Variants in EPHA2 observed in about 807,000 individuals in gnomAD.
EPHA2 encodes EPH receptor A2.
In EPHA2, 54 loss-of-function variants were observed where a neutral mutation model predicts 104.9. The ratio of observed to expected loss-of-function variants is 0.51; its 90% CI spans 0.41 to 0.65. The LOEUF (loss-of-function observed/expected upper bound fraction) is 0.65. Among genes scored for constraint, EPHA2 ranks in the 30% least tolerant of loss-of-function variants. The pLI is 0.00. For missense variants in EPHA2, 1,117 were observed against 1,369.5 expected (o/e 0.82, Z 2.91); for synonymous variants, 560 against 559.1 (o/e 1.00, Z -0.02).
chr1:16,133,129 C>T lies in EPHA2; in HGVS notation c.2053+51G>A, dbSNP rs144710915. On this transcript the variant is annotated intron_variant, in intron 11 of 16. Transcript: ENST00000358432. Reference sequence around the variant, plus strand: ...AGGTGGGCACAGTCACAGACAGAGCCCCTGCTAAGTGGCCCCTCTCCACCC... The same window carrying T: ...AGGTGGGCACAGTCACAGACAGAGCTCCTGCTAAGTGGCCCCTCTCCACCC... 661 of 1,608,368 alleles carry T rather than the reference C, an allele frequency of 4.1e-4. 4 individuals are homozygous for T. In the African/African-American group the frequency reaches 7.7e-3, roughly 19 times the overall value.
Position 16,126,890 on chromosome 1 carries a change from C to A in EPHA2, c.2826-1570G>T, listed in dbSNP as rs75170989. ...CCCCCACAGCACCTGCTCCCGCCCC[C>A]ACCCCTGCCCAGGGTCCAGGATAGG... On this transcript the variant is annotated intron_variant, in intron 16 of 16. Coordinates refer to ENST00000358432, the MANE Select transcript of EPHA2 (RefSeq NM_004431.5). 5.6e-4 allele frequency among the ~76,000 whole-genome samples: 86 copies of A among 152,328 alleles called. 1 individual carries two copies. The highest frequency in any genetic ancestry group is 2.3e-3 in the Admixed American group (35 of 15,302).
chr1:16,132,909 G>A (rs1570400413), intron 11 of EPHA2: 1 of 526,230 alleles, frequency 1.9e-6, no homozygotes, highest in Admixed American at 3.2e-5. Context: ...GTATCGGGGA[G>A]AGGTGGGCAC....
intron 1 of EPHA2, among the ~76,000 whole-genome samples, chr1:16,151,454 C>A (rs1236972317): frequency 2.6e-5 from 4 of 152,220 alleles, no homozygotes; most frequent in African/African-American, 9.6e-5. Context: ...AGGAAACACA[C>A]CAACCCCACT....
Position 16,135,498 on chromosome 1 carries a change from G to T in EPHA2, c.1428+157C>A. The T allele has an allele frequency of 2.6e-6, 2 of 782,520 alleles. No homozygotes were observed. Among genetic ancestry groups the T allele is most frequent in the Non-Finnish European group, 2.2e-6 (1 of 453,262 alleles). 48.5% of individuals were successfully genotyped at this position (782,520 alleles called of 1,614,324 possible). A position where few individuals can be genotyped will look rare whatever the true frequency, so the allele number is the denominator to read the frequency against. On this transcript the variant is annotated intron_variant, in intron 6 of 16. Coordinates refer to ENST00000358432, the MANE Select transcript of EPHA2 (RefSeq NM_004431.5). This position sits in a 1 kb window ranked among gnomAD's most constrained non-coding sequence, Gnocchi z 4.3. Reference sequence around the variant, plus strand: ...GTACAAATCTCTGCTGTGCTGCCTTGGGAGATGTAACCCCCTGGCAGACCC... The same window carrying T: ...GTACAAATCTCTGCTGTGCTGCCTTTGGAGATGTAACCCCCTGGCAGACCC...
At chr1:16,151,079 C>T (rs2025026287) in intron 1 of EPHA2, 116 bp from the exon 2 acceptor site, 2 of 943,326 alleles carry the variant, frequency 2.1e-6, no homozygotes, top group East Asian at 2.5e-5. Flanking sequence ...CGAGAGGGAC[C>T]CCACCACACA....
chr1:16,136,861 C>T (rs113392026), intron 5 of EPHA2, among the ~76,000 whole-genome samples: 168 of 149,614 alleles, frequency 1.1e-3, no homozygotes, highest in African/African-American at 3.7e-3. Context: ...TGCAATGGTG[C>T]GATCTCGGCT....
chr1:16,139,426 T>C (rs748901378), intron 3 of EPHA2, among the ~76,000 whole-genome samples: 1 of 152,262 alleles, frequency 6.6e-6, no homozygotes, highest in Middle Eastern at 3.4e-3. Flanking sequence ...CAGCACCGTG[T>C]TCACCACACA....
In EPHA2 at chr1:16,134,888, G is replaced by A; in HGVS notation, c.1582+148C>T. ...TCCATGCTTCCCCCTCCCCAGGCTT[G>A]GGGGCAGTCCCCGAAGGGCTGTCCC... is the stretch of plus-strand genomic sequence containing the variant. On this transcript the variant is annotated intron_variant, in intron 7 of 16. Transcript: ENST00000358432. This position sits in a 1 kb window ranked among gnomAD's most constrained non-coding sequence, Gnocchi z 4.5. The A allele has an allele frequency of 1.6e-6, 2 of 1,272,952 alleles. No homozygotes were observed. Among genetic ancestry groups the A allele is most frequent in the Non-Finnish European group, 2.2e-6 (2 of 911,134 alleles). The allele number at this position is 1,272,952 out of a possible 1,614,324, so 78.9% of individuals were successfully genotyped here.
In EPHA2 at chr1:16,148,894, G is replaced by A. The variant is rs768995359; in HGVS notation, c.307C>T (p.Arg103Cys). Residue 103 changes from arginine (R) to cysteine (C), a missense_variant, in exon 3 of 17, where the codon CGT (arginine) becomes TGT (cysteine). By Grantham distance (180) the Arg-to-Cys change is radical. Around this residue, in one of 3 missense-constraint regions of EPHA2, gnomAD observed 664 missense variants for 784.8 expected, o/e 0.85. Transcript: ENST00000358432. The surrounding 1 kb of genome is among the most constrained non-coding windows in gnomAD (Gnocchi z 4.9). ...CCACCAGGGAAGCTGTTGCAGTCACGTACAGTAAACTTGAGCTCAATGAAG... is the reference window on the plus strand; with the variant it reads ...CCACCAGGGAAGCTGTTGCAGTCACATACAGTAAACTTGAGCTCAATGAAG... The part of the protein sequence containing the change: ...RIFIELKFTV[R>C]DCNSFPGGAS... The A allele has an allele frequency of 1.8e-5, 29 of 1,614,136 alleles. No homozygotes were observed. Among genetic ancestry groups the A allele is most frequent in the Non-Finnish European group, 1.9e-5 (23 of 1,180,048 alleles).
Position 16,132,104 on chromosome 1 carries a change from C to T in EPHA2, c.2285G>A (p.Arg762His), listed in dbSNP as rs868421931. The T allele has an allele frequency of 3.7e-6, 6 of 1,613,938 alleles. No individual in the cohort carries two copies. Among genetic ancestry groups the T allele is most frequent in the Non-Finnish European group, 5.1e-6 (6 of 1,180,010 alleles). The change falls in exon 13 of 17, where the codon CGC (arginine) becomes CAC (histidine). Residue 762 changes from arginine (R) to histidine (H), a missense_variant. Arg to His is a conservative substitution (Grantham distance 29). Around this residue, in one of 3 missense-constraint regions of EPHA2, gnomAD observed 340 missense variants for 480.5 expected, o/e 0.71. Transcript: ENST00000358432. Reference sequence around the variant, plus strand: ...GGCCTCGGGGTCGTCCTCCAGCACGCGGGACAGGCCAAAGTCAGACACCTT... The same window carrying T: ...GGCCTCGGGGTCGTCCTCCAGCACGTGGGACAGGCCAAAGTCAGACACCTT... The part of the protein sequence containing the change: ...VCKVSDFGLS[R>H]VLEDDPEATY...
Position 16,131,733 on chromosome 1 carries a change from C to A in EPHA2, c.2463G>T (p.Leu821Phe). ...MTYGERPYWE[L>F]SNHEVMKAIN... ...CAAGGGCACCCACCTCGTGGTTGGA[C>A]AACTCCCAGTAGGGCCGCTCGCCAT... The change falls in exon 14 of 17, where the codon TTG becomes TTT. Residue 821 changes from leucine (L) to phenylalanine (F), a missense_variant. Leu to Phe is a conservative substitution (Grantham distance 22). This residue lies in a region of EPHA2 where 340 missense variants were observed against 480.5 expected (regional missense o/e 0.71). Transcript: ENST00000358432. This position sits in a 1 kb window ranked among gnomAD's most constrained non-coding sequence, Gnocchi z 5.2. The A allele has an allele frequency of 6.2e-7, 1 of 1,614,044 alleles. No individual in the cohort carries two copies. The highest frequency in any genetic ancestry group is 8.5e-7 in the Non-Finnish European group (1 of 1,180,020).
chr1:16,141,899 A>G (rs2024831257), intron 3 of EPHA2, among the ~76,000 whole-genome samples: 1 of 152,130 alleles, frequency 6.6e-6, no homozygotes, highest in South Asian at 2.1e-4. Context: ...CCCTCCTCCA[A>G]CCACAAAGCT....
At chr1:16,147,469 CAGGGAGTTTAAGTATCTTGCCTA>C (rs1255031943) in intron 3 of EPHA2, among the ~76,000 whole-genome samples, 2 of 152,014 alleles carry the variant, frequency 1.3e-5, no homozygotes, top group African/African-American at 4.8e-5. Flanking sequence ...GTTTGAGGCC[CAGGGAGTTTAAGTATCTTGCCTA>C]AGGCCACATA....
chr1:16,137,764 C>CT, intron 5 of EPHA2, 89 bp downstream of exon 5: 1 of 1,521,598 alleles, frequency 6.6e-7, no homozygotes, highest in Non-Finnish European at 9.0e-7. Flanking sequence ...CTGCCTCTCT[C>CT]TAAACACACC....
intron 16 of EPHA2, among the ~76,000 whole-genome samples, chr1:16,129,191 C>G (rs567216902): frequency 6.6e-6 from 1 of 151,378 alleles, no homozygotes; most frequent in East Asian, 2.0e-4. Flanking sequence ...GTTATGATTA[C>G]GGTTACTATT....
chr1:16,129,637 C>A, intron 15 of EPHA2, 48 bp from the exon 16 acceptor site: 7 of 1,572,676 alleles, frequency 4.5e-6, no homozygotes, highest in Non-Finnish European at 6.0e-6. Context: ...CCCAGTCCAC[C>A]CTGGGCCCTG....
rs2024657969 is a variant in EPHA2, at chr1:16,135,149, A to G, written c.1469T>C (p.Phe490Ser). ...NSYNVRRTEG[F>S]SVTLDDLAPD... is the part of the protein sequence containing the mutation. ...GGCCAGGTCGTCCAGGGTCACGGAGAAACCCTCGGTGCGGCGCACATTGTA... is the reference window on the plus strand; with the variant it reads ...GGCCAGGTCGTCCAGGGTCACGGAGGAACCCTCGGTGCGGCGCACATTGTA... Residue 490 changes from phenylalanine (F) to serine (S), a missense_variant, in exon 7 of 17, where the codon TTC becomes TCC. Physicochemically the swap from Phe to Ser is radical, Grantham distance 155 (BLOSUM62 -2). Around this residue, in one of 3 missense-constraint regions of EPHA2, gnomAD observed 664 missense variants for 784.8 expected, o/e 0.85. Transcript: ENST00000358432. The surrounding 1 kb of genome is among the most constrained non-coding windows in gnomAD (Gnocchi z 4.3). 2 of 1,614,010 alleles carry G rather than the reference A, an allele frequency of 1.2e-6. No homozygotes were observed. The highest frequency in any genetic ancestry group is 2.7e-5 in the African/African-American group (2 of 75,026).
At chr1:16,126,560 G>A (rs1357071252) in intron 16 of EPHA2, among the ~76,000 whole-genome samples, 5 of 152,210 alleles carry the variant, frequency 3.3e-5, no homozygotes, top group African/African-American at 1.2e-4. Context: ...GGACATTTGG[G>A]AGAACTTCCT....
intron 1 of EPHA2, among the ~76,000 whole-genome samples, chr1:16,153,001 TC>T (rs2025072286): frequency 1.3e-5 from 2 of 152,048 alleles, no homozygotes; most frequent in Admixed American, 1.3e-4. Flanking sequence ...GGACAGAGGC[TC>T]CCGCTTCTCT....
Sources: allele counts gnomAD v4.1 joint callset (sites outside exome capture counted in the v4.1 genomes callset), GRCh38; gene constraint gnomAD v4.1.1; regional missense constraint gnomAD v4.1.1; non-coding constraint Gnocchi (gnomAD v3.1); transcripts MANE v1.5; gene names NCBI Gene and HGNC (gene_info 2026-07-23, HGNC 2026-07-21).